The following SNRPN variants were observed in gnomAD, a reference collection of about 807,000 sequenced individuals.
The protein encoded by SNRPN is small nuclear ribonucleoprotein-associated protein N.
A neutral mutation model predicts 25.2 loss-of-function variants in SNRPN; 7 were observed. That is an observed-to-expected ratio of 0.28 (90% CI 0.16 to 0.52). The LOEUF (loss-of-function observed/expected upper bound fraction) is 0.52. Among genes scored for constraint, SNRPN ranks in the 20% least tolerant of loss-of-function variants. The pLI is 0.96. For synonymous variants in SNRPN, 124 were observed against 110.6 expected (o/e 1.12, Z -0.76); for missense variants, 196 against 322.5 (o/e 0.61, Z 3.00).
chr15:24,946,271 G>T (rs1269901089), intron 3 of SNRPN, among the ~76,000 whole-genome samples: 1 of 152,112 alleles, frequency 6.6e-6, no homozygotes, highest in Non-Finnish European at 1.5e-5. Flanking sequence ...GCCAGGCATG[G>T]TTCCTTATGC....
intron 2 of SNRPN, among the ~76,000 whole-genome samples, chr15:24,918,618 ATGTG>A (rs759947384): frequency 7.6e-5 from 6 of 78,640 alleles, no homozygotes; most frequent in African/African-American, 1.8e-4. Context: ...CATAATATAT[ATGTG>A]TGTATATATA....
chr15:24,909,021 G>T, intron 2 of SNRPN: 1 of 1,421,326 alleles, frequency 7.0e-7, no homozygotes, highest in Non-Finnish European at 9.9e-7. Flanking sequence ...ATTTTGGGAT[G>T]GTTCCACCTC....
intron 3 of SNRPN, among the ~76,000 whole-genome samples, chr15:24,933,779 CA>C (rs1182059344): frequency 1.3e-5 from 2 of 152,272 alleles, no homozygotes; most frequent in African/African-American, 4.8e-5. Flanking sequence ...GTAGAGGGTA[CA>C]TGGCATTCAT....
At chr15:24,947,304 T>C (rs1036211769) in intron 3 of SNRPN, among the ~76,000 whole-genome samples, 11 of 152,164 alleles carry the variant, frequency 7.2e-5, no homozygotes, top group African/African-American at 2.7e-4. Flanking sequence ...GTGGCAGTTA[T>C]ACAGGGAAAA....
At chr15:24,968,169 A>T (rs2075923141) in intron 3 of SNRPN, 87 bp downstream of exon 3, 1 of 815,006 alleles carries the variant, frequency 1.2e-6, no homozygotes, top group Non-Finnish European at 2.0e-6. Context: ...GTGACACATT[A>T]ATTTTTTTCC....
intron 2 of SNRPN, among the ~76,000 whole-genome samples, chr15:24,830,879 G>A (rs892234483): frequency 9.9e-5 from 15 of 152,010 alleles, no homozygotes; most frequent in African/African-American, 3.6e-4. Context: ...CTGTGGGCTT[G>A]AGTTCAATGT....
At chr15:24,948,183 G>A (rs1343093633) in intron 3 of SNRPN, among the ~76,000 whole-genome samples, 2 of 151,996 alleles carry the variant, frequency 1.3e-5, no homozygotes, top group East Asian at 3.9e-4. Flanking sequence ...GCATGATCTT[G>A]GCTCACTGCA....
At chr15:24,925,956 G>A (rs2647369) in intron 3 of SNRPN, among the ~76,000 whole-genome samples, 16 of 152,138 alleles carry the variant, frequency 1.1e-4, no homozygotes, top group Non-Finnish European at 2.9e-5. Flanking sequence ...GGATGGTCTC[G>A]ATCTCCTGAC....
intron 1 of SNRPN, among the ~76,000 whole-genome samples, chr15:24,861,725 T>A (rs1595517695): frequency 6.6e-6 from 1 of 151,740 alleles, no homozygotes; most frequent in East Asian, 2.0e-4. Context: ...GAATAAAATA[T>A]CATTTTGAGA....
intron 2 of SNRPN, among the ~76,000 whole-genome samples, chr15:24,916,187 C>T (rs946330589): frequency 1.3e-5 from 2 of 152,106 alleles, no homozygotes; most frequent in Non-Finnish European, 2.9e-5. Context: ...GTCTTGAACT[C>T]CTGACCTCGT....
chr15:24,834,751 C>CTCTCTCTCTCTCTCTATATA, intron 2 of SNRPN, among the ~76,000 whole-genome samples: 173 of 60,930 alleles, frequency 2.8e-3, no homozygotes, highest in Non-Finnish European at 4.2e-3. Flanking sequence ...CTCTCTCTCT[C>CTCTCTCTCTCTCTCTATATA]TATATATATA....
intron 1 of SNRPN, among the ~76,000 whole-genome samples, chr15:24,880,217 C>A (rs2056443084): frequency 6.6e-6 from 1 of 152,026 alleles, no homozygotes; most frequent in African/African-American, 2.4e-5. Context: ...ACTGTCATGA[C>A]AACATGATGG....
Position 24,837,407 on chromosome 15 carries a change from G to A in SNRPN, c.-579+7502G>A, listed in dbSNP as rs561801008. 5.8e-3 allele frequency among the ~76,000 whole-genome samples: 879 copies of A among 150,450 alleles called. 6 individuals carry two copies. Among genetic ancestry groups the A allele is most frequent in the Non-Finnish European group, 7.2e-3 (492 of 67,882 alleles). On this transcript the variant is annotated intron_variant, in intron 2 of 12. Coordinates refer to the SNRPN transcript ENST00000400100. ...TTTTGAGGTGGAGTCTCACTGTGTA[G>A]CCCAGGCTGGAGTGCAGTGGCTGCG...
chr15:24,846,682 C>G (rs2052229769), intron 2 of SNRPN, among the ~76,000 whole-genome samples: 1 of 152,162 alleles, frequency 6.6e-6, no homozygotes. Flanking sequence ...GGTGTGTCTA[C>G]AAGTCAACAT....
intron 2 of SNRPN, among the ~76,000 whole-genome samples, chr15:24,917,616 C>T (rs982592195): frequency 6.6e-6 from 1 of 152,180 alleles, no homozygotes; most frequent in Non-Finnish European, 1.5e-5. Context: ...GGGAAGGTGA[C>T]GTGTGGGGGC....
chr15:24,854,708 T>TA (rs2053216658), upstream of SNRPN, among the ~76,000 whole-genome samples: 1 of 152,194 alleles, frequency 6.6e-6, no homozygotes, highest in Non-Finnish European at 1.5e-5. Context: ...CAGCGACTAT[T>TA]AATTCTAGCC....
chr15:24,870,637 T>C (rs547486405), intron 1 of SNRPN, among the ~76,000 whole-genome samples: 3 of 149,618 alleles, frequency 2.0e-5, no homozygotes, highest in Admixed American at 6.7e-5. Context: ...ACAGTGCTCA[T>C]AGACAACTTC....
intron 1 of SNRPN, among the ~76,000 whole-genome samples, chr15:24,861,242 A>T (rs2053955499): frequency 6.6e-6 from 1 of 152,208 alleles, no homozygotes; most frequent in African/African-American, 2.4e-5. Context: ...GCATTACACA[A>T]ACCTAGAAGG....
intron 2 of SNRPN, chr15:24,910,814 T>G (rs545706821): frequency 2.2e-5 from 11 of 493,524 alleles, no homozygotes; most frequent in Non-Finnish European, 3.6e-6. Flanking sequence ...TTATCATTAT[T>G]TTATCCAAAA....
Sources: gnomAD v4.1 joint callset for allele counts (sites outside exome capture counted in the v4.1 genomes callset) on GRCh38, gnomAD v4.1.1 for gene constraint, MANE v1.5 for transcripts, NCBI Gene and HGNC (gene_info 2026-07-23, HGNC 2026-07-21) for gene names.